The following SNW1 variants were observed in gnomAD, a reference collection of about 807,000 sequenced individuals.
The protein encoded by SNW1 is SNW domain containing 1.
A neutral mutation model predicts 75.6 loss-of-function variants in SNW1; 9 were observed. The observed-to-expected ratio is 0.12, with a 90% CI of 0.07 to 0.21. The LOEUF (loss-of-function observed/expected upper bound fraction) is 0.21, where lower values mean the gene tolerates loss of function less well. SNW1 is among the 10% of genes least tolerant of loss of function. The pLI is 1.00. For synonymous variants in SNW1, 200 were observed against 219.1 expected (o/e 0.91, Z 0.77); for missense variants, 409 against 670.9 (o/e 0.61, Z 4.31).
chr14:77,726,077 G>GT (rs1206239048), intron 10 of SNW1, among the ~76,000 whole-genome samples: 6 of 151,908 alleles, frequency 3.9e-5, no homozygotes, highest in Non-Finnish European at 8.8e-5. Context: ...GATGCCTCCA[G>GT]TTTTTTTTCT....
intron 12 of SNW1, among the ~76,000 whole-genome samples, chr14:77,719,887 TAA>T (rs1285468965): frequency 6.6e-6 from 1 of 152,236 alleles, no homozygotes; most frequent in East Asian, 1.9e-4. Context: ...AAGTCATAAT[TAA>T]GTTTCCCACT....
intron 1 of SNW1, among the ~76,000 whole-genome samples, chr14:77,755,437 GAGAA>G (rs1453108866): frequency 2.0e-5 from 3 of 148,036 alleles, no homozygotes; most frequent in Non-Finnish European, 1.5e-5. Flanking sequence ...TTTTTTTTTT[GAGAA>G]AGAGTCTCAC....
chr14:77,739,441 A>G (rs528411145), intron 3 of SNW1, among the ~76,000 whole-genome samples: 2 of 152,334 alleles, frequency 1.3e-5, no homozygotes, highest in South Asian at 4.1e-4. Flanking sequence ...ATCAGAATTT[A>G]AGTCAGGTTA....
chr14:77,720,680 C>T (rs2080532546), intron 12 of SNW1, 31 bp downstream of exon 12: 1 of 1,377,810 alleles, frequency 7.3e-7, no homozygotes, highest in Non-Finnish European at 1.0e-6. Flanking sequence ...TTCACATCAA[C>T]ACACACAATA....
chr14:77,758,964 C>T (rs1032822403), intron 1 of SNW1, among the ~76,000 whole-genome samples: 3 of 152,254 alleles, frequency 2.0e-5, no homozygotes, highest in African/African-American at 4.8e-5. Context: ...ACTGCCCTTA[C>T]TTCAGATGCC....
chr14:77,722,701 A>T, intron 11 of SNW1: 1 of 361,526 alleles, frequency 2.8e-6, no homozygotes, highest in Non-Finnish European at 5.4e-6. Flanking sequence ...CAAAGTAGTT[A>T]AGTACAAGAA....
chr14:77,749,199 A>T (rs2080788326), intron 3 of SNW1, among the ~76,000 whole-genome samples: 1 of 152,204 alleles, frequency 6.6e-6, no homozygotes, highest in South Asian at 2.1e-4. Context: ...GTTAAAGAGA[A>T]TGTGCTGTGT....
At chr14:77,759,826 A>AC (rs2080871968) in intron 1 of SNW1, among the ~76,000 whole-genome samples, 1 of 151,232 alleles carries the variant, frequency 6.6e-6, no homozygotes, top group Admixed American at 6.6e-5. Context: ...TTTTTTAAAA[A>AC]AATTTCAGAT....
In SNW1 at chr14:77,733,742, C is replaced by CAAAAAAA. The variant is rs35483765; in HGVS notation, c.775-1148_775-1142dup. 1.2e-3 allele frequency among the ~76,000 whole-genome samples: 75 copies of CAAAAAAA among 64,854 alleles called. 2 individuals carry two copies. The highest frequency in any genetic ancestry group is 4.7e-3 in the South Asian group (6 of 1,276). The allele number at this position is 64,854 out of a possible 152,430, so 42.5% of individuals were successfully genotyped here. On this transcript the variant is annotated intron_variant, in intron 8 of 13. Transcript: ENST00000261531. The stretch of plus-strand genomic sequence containing the variant: ...CCTGGGCAACAGAGCGAGACCGTCT[C>CAAAAAAA]AAAAAAAAAAAAAAAAAAAAAAAAA...
rs369703434 is a variant in SNW1 at position 77,718,405 on chromosome 14, C to T, written c.1374G>A (p.Met458Ile). Reference protein sequence around the residue: ...YRPSKNLDKDMYGDDLEARIK... With the variant: ...YRPSKNLDKDIYGDDLEARIK... ...TTCTGGCTTCTAGGTCATCACCATACATGTCCTTGTCCAGATTTTTACTGG... is the reference window on the plus strand; with the variant it reads ...TTCTGGCTTCTAGGTCATCACCATATATGTCCTTGTCCAGATTTTTACTGG... The change falls in exon 13 of 14, where the codon ATG becomes ATA. Residue 458 changes from methionine to isoleucine, a missense_variant. Met to Ile is a conservative substitution (Grantham distance 10). Around this residue, in one of 9 missense-constraint regions of SNW1, gnomAD observed 126 missense variants for 167.6 expected, o/e 0.75. Transcript: ENST00000261531. 2 of 1,614,064 alleles carry T rather than the reference C, an allele frequency of 1.2e-6. No homozygotes were observed. Among genetic ancestry groups the T allele is most frequent in the African/African-American group, 2.7e-5 (2 of 74,934 alleles).
In SNW1 at chr14:77,738,086, T is replaced by C. The variant is rs570936028; in HGVS notation, c.533+692A>G. Among the ~76,000 whole-genome samples, 5 of 151,282 alleles carry C rather than the reference T, an allele frequency of 3.3e-5. No homozygotes were observed. In the South Asian group the frequency reaches 8.4e-4, roughly 25 times the overall value. On this transcript the variant is annotated intron_variant, in intron 5 of 13. Transcript: ENST00000261531. Reference sequence around the variant, plus strand: ...TTGGGACCTGAGGAGGATGGATCATTTGAGTTCAGGAGTTCGAGACCAGCC... The same window carrying C: ...TTGGGACCTGAGGAGGATGGATCATCTGAGTTCAGGAGTTCGAGACCAGCC...
intron 1 of SNW1, among the ~76,000 whole-genome samples, chr14:77,759,800 A>C (rs1269414884): frequency 1.3e-5 from 2 of 150,742 alleles, no homozygotes; most frequent in Non-Finnish European, 3.0e-5. Flanking sequence ...ACGCAGTAAC[A>C]CCCTATTTCT....
At chr14:77,734,757 C>A (rs1566830074) in intron 8 of SNW1, among the ~76,000 whole-genome samples, 190 bp downstream of exon 8, 2 of 151,376 alleles carry the variant, frequency 1.3e-5, no homozygotes, top group African/African-American at 4.9e-5. Flanking sequence ...AAGGAACTGA[C>A]ACGGTATTCA....
At chr14:77,750,432 G>C (rs576113019) in intron 3 of SNW1, among the ~76,000 whole-genome samples, 39 of 152,256 alleles carry the variant, frequency 2.6e-4, no homozygotes, top group African/African-American at 8.4e-4. Flanking sequence ...CAAGGGAGCT[G>C]AGCTGAAATA....
chr14:77,741,519 A>C (rs754064978), intron 3 of SNW1, among the ~76,000 whole-genome samples: 24 of 152,168 alleles, frequency 1.6e-4, no homozygotes, highest in Non-Finnish European at 3.1e-4. Flanking sequence ...AGAAAGCCTA[A>C]GATGATTTAG....
intron 10 of SNW1, among the ~76,000 whole-genome samples, chr14:77,723,684 C>T (rs1040792481): frequency 6.6e-6 from 1 of 152,040 alleles, no homozygotes; most frequent in Admixed American, 6.6e-5. Flanking sequence ...GACGGAGTTT[C>T]GCTCTTGCTG....
chr14:77,737,531 T>C (rs998854665), intron 5 of SNW1, among the ~76,000 whole-genome samples: 6 of 152,180 alleles, frequency 3.9e-5, no homozygotes, highest in African/African-American at 1.4e-4. Context: ...AATATCTGTA[T>C]GTGATTCAAT....
intron 3 of SNW1, among the ~76,000 whole-genome samples, chr14:77,742,227 G>C (rs2080724731): frequency 6.6e-6 from 1 of 151,842 alleles, no homozygotes; most frequent in Admixed American, 6.6e-5. Flanking sequence ...TTAGAGATGG[G>C]GTTTCACCAT....
intron 3 of SNW1, among the ~76,000 whole-genome samples, chr14:77,747,685 C>T (rs563665339): frequency 3.3e-5 from 5 of 149,994 alleles, no homozygotes; most frequent in South Asian, 2.1e-4. Context: ...GCCCGGCAGC[C>T]GCCCCGTCCA....
Sources: gnomAD v4.1 joint callset for allele counts (sites outside exome capture counted in the v4.1 genomes callset) on GRCh38, gnomAD v4.1.1 for gene constraint, gnomAD v4.1.1 regional missense constraint, MANE v1.5 for transcripts, NCBI Gene and HGNC (gene_info 2026-07-23, HGNC 2026-07-21) for gene names.